The following KALRN variants were observed in gnomAD, a reference collection of about 807,000 sequenced individuals.
KALRN encodes the protein kalirin.
A neutral mutation model predicts 353.7 loss-of-function variants in KALRN; 70 were observed. The ratio of observed to expected loss-of-function variants is 0.20; its 90% confidence interval spans 0.16 to 0.24. The LOEUF (loss-of-function observed/expected upper bound fraction) is 0.24, where lower values mean the gene tolerates loss of function less well. Among genes scored for constraint, KALRN ranks in the 10% least tolerant of loss-of-function variants. KALRN has a pLI of 1.00. For missense variants in KALRN, 2,791 were observed against 3,756.7 expected, an observed-to-expected ratio of 0.74 and a Z score of 6.72; for synonymous variants, 1,391 against 1,434.8, an observed-to-expected ratio of 0.97 and a Z score of 0.69.
chr3:124,212,209 A>G (rs2076959680), intron 1 of KALRN, among the ~76,000 whole-genome samples: 2 of 149,788 alleles, frequency 1.3e-5, no homozygotes, highest in African/African-American at 5.0e-5. Context: ...AAAGTTTGAA[A>G]ACTATAGAAA....
chr3:124,324,182 T>C (rs1308476780), intron 6 of KALRN, among the ~76,000 whole-genome samples: 3 of 152,218 alleles, frequency 2.0e-5, no homozygotes, highest in Non-Finnish European at 4.4e-5. Context: ...TTTCCCTCCC[T>C]TTCACTATGC....
chr3:124,156,259 C>A (rs2068976900), intron 1 of KALRN, among the ~76,000 whole-genome samples: 1 of 152,208 alleles, frequency 6.6e-6, no homozygotes, highest in East Asian at 1.9e-4. Flanking sequence ...AAATGAGAAA[C>A]ATTGTTCAGC....
intron 14 of KALRN, among the ~76,000 whole-genome samples, chr3:124,416,142 A>G (rs2092479909): frequency 6.6e-6 from 1 of 152,198 alleles, no homozygotes; most frequent in Admixed American, 6.5e-5. Context: ...CTATGCAGGG[A>G]TGCTCACCCT....
chr3:124,214,263 C>T (rs2077131478), intron 1 of KALRN, among the ~76,000 whole-genome samples: 1 of 151,864 alleles, frequency 6.6e-6, no homozygotes, highest in Non-Finnish European at 1.5e-5. Context: ...GGAAAATTTC[C>T]CAAGGCATTA....
intron 5 of KALRN, among the ~76,000 whole-genome samples, chr3:124,298,031 T>C (rs566324027): frequency 4.5e-4 from 68 of 152,302 alleles, no homozygotes; most frequent in Non-Finnish European, 8.7e-4. Context: ...TCTGAGACAA[T>C]CCCATTGGTT....
chr3:124,346,256 C>T (rs938317360), intron 9 of KALRN, among the ~76,000 whole-genome samples: 7 of 152,318 alleles, frequency 4.6e-5, no homozygotes, highest in African/African-American at 1.7e-4. Flanking sequence ...CTTTCATCCT[C>T]CCTGCACGTC....
chr3:124,202,720 C>CA (rs1048900636), intron 1 of KALRN, among the ~76,000 whole-genome samples: 1 of 152,272 alleles, frequency 6.6e-6, no homozygotes, highest in African/African-American at 2.4e-5. Flanking sequence ...TTATTTCTTA[C>CA]AACAGATACA....
At position 124,380,744 on chromosome 3, in the gene KALRN, A is replaced by G. The variant is rs1158589634; in HGVS notation, c.1771-4101A>G. Among the ~76,000 whole-genome samples, 5 of 152,250 alleles carry G rather than the reference A, an allele frequency of 3.3e-5. No individual in the cohort carries two copies. The East Asian group carries it at 5.8e-4, about 18-fold the overall frequency. ...TTGCCCCAATTTGGGGGTATTGACA[A>G]GAGTCAAAGTATTGCTTTGGTAATA... On this transcript the variant is annotated intron_variant, in intron 10 of 59. Coordinates refer to ENST00000682506, the MANE Select transcript of KALRN (RefSeq NM_001388419.1).
intron 33 of KALRN, among the ~76,000 whole-genome samples, chr3:124,545,086 G>T (rs1218219610): frequency 2.6e-5 from 4 of 152,210 alleles, no homozygotes; most frequent in Admixed American, 2.0e-4. Flanking sequence ...TGATATCCAT[G>T]CTTTTTCTCT....
At chr3:124,647,215 A>G (rs2082873411) in intron 37 of KALRN, among the ~76,000 whole-genome samples, 1 of 151,980 alleles carries the variant, frequency 6.6e-6, no homozygotes, top group African/African-American at 2.4e-5. Flanking sequence ...CCAAGTCTCT[A>G]CTTCTTAATA....
At chr3:124,235,013 C>G in intron 3 of KALRN, 70 bp downstream of exon 3, 1 of 1,068,370 alleles carries the variant, frequency 9.4e-7, no homozygotes, top group Non-Finnish European at 1.4e-6. Context: ...TTGGAAGGAG[C>G]CTCCATCCCT....
chr3:124,396,255 G>A (rs939976852), intron 12 of KALRN, among the ~76,000 whole-genome samples: 1 of 133,404 alleles, frequency 7.5e-6, no homozygotes, highest in Non-Finnish European at 1.8e-5. Flanking sequence ...CAATTGGAGA[G>A]GGTTTTTTTC....
chr3:124,113,558 A>T (rs6774002), intron 1 of KALRN, among the ~76,000 whole-genome samples: 54,900 of 152,090 alleles, frequency 0.36, 11,316 homozygotes, highest in African/African-American at 0.57. Context: ...CCTGGGGGAA[A>T]CTTCAGCTTC....
chr3:124,334,433 C>G lies in KALRN; in HGVS notation c.1585C>G (p.His529Asp), dbSNP rs757420104. Residue 529 changes from histidine (H) to aspartate (D), a missense_variant, in exon 9 of 60, where the codon CAC becomes GAC. This residue lies in a region of KALRN where 366 missense variants were observed against 489.2 expected (regional missense o/e 0.75). Coordinates refer to ENST00000682506, the MANE Select transcript of KALRN (RefSeq NM_001388419.1). This position sits in a 1 kb window ranked among gnomAD's most constrained non-coding sequence, Gnocchi z 4.2. ...HQRRLESIWQ[H>D]RKVRLHQRLQ... ...GCGACGGCTGGAGAGCATCTGGCAG[C>G]ACCGCAAGGTGCGGCTCCACCAGCG... The G allele has an allele frequency of 6.2e-7, 1 of 1,614,158 alleles. No individual in the cohort carries two copies. Among genetic ancestry groups the G allele is most frequent in the Non-Finnish European group, 8.5e-7 (1 of 1,180,010 alleles).
intron 1 of KALRN, among the ~76,000 whole-genome samples, chr3:124,065,062 A>G (rs2042247075): frequency 6.6e-6 from 1 of 152,154 alleles, no homozygotes; most frequent in South Asian, 2.1e-4. Flanking sequence ...CAGGAGCTAC[A>G]TTGGGAAGGT....
intron 51 of KALRN, 51 bp from the exon 52 acceptor site, chr3:124,693,753 C>A: frequency 7.8e-7 from 1 of 1,279,804 alleles, no homozygotes; most frequent in Non-Finnish European, 1.1e-6. Flanking sequence ...CCCTTGTTCT[C>A]TTTTAGTAGT....
intron 5 of KALRN, among the ~76,000 whole-genome samples, chr3:124,271,885 T>G (rs1233978447): frequency 1.3e-5 from 2 of 152,132 alleles, no homozygotes; most frequent in African/African-American, 4.8e-5. Context: ...ACAAAAAATA[T>G]ACATAGGCTT....
intron 1 of KALRN, among the ~76,000 whole-genome samples, chr3:124,133,747 G>C (rs2065588880): frequency 6.6e-6 from 1 of 152,218 alleles, no homozygotes; most frequent in African/African-American, 2.4e-5. Context: ...GAGCCTGTCT[G>C]CTTGCCTGGA....
At chr3:124,556,098 A>G (rs530094908) in intron 33 of KALRN, among the ~76,000 whole-genome samples, 64 of 152,304 alleles carry the variant, frequency 4.2e-4, no homozygotes, top group Non-Finnish European at 7.8e-4. Context: ...CACCAGCACC[A>G]AGGCCTCCTG....
Sources: allele counts gnomAD v4.1 joint callset (sites outside exome capture counted in the v4.1 genomes callset), GRCh38; gene constraint gnomAD v4.1.1; regional missense constraint gnomAD v4.1.1; non-coding constraint Gnocchi (gnomAD v3.1); transcripts MANE v1.5; gene names NCBI Gene and HGNC (gene_info 2026-07-23, HGNC 2026-07-21).